The following SNTG1 variants were observed in gnomAD, a reference collection of about 807,000 sequenced individuals.
SNTG1 encodes gamma-1-syntrophin.
In SNTG1, 39 loss-of-function variants were observed where a neutral mutation model predicts 74.7. The observed-to-expected ratio is 0.52, with a 90% CI of 0.40 to 0.68. SNTG1 has a LOEUF of 0.68. Among genes scored for constraint, SNTG1 ranks in the 30% least tolerant of loss-of-function variants. The pLI, the probability that SNTG1 is intolerant of heterozygous loss-of-function variation, is 0.00. For missense variants in SNTG1, 685 were observed against 609.5 expected (o/e 1.12, Z -1.30); for synonymous variants, 254 against 217.1 (o/e 1.17, Z -1.49).
In SNTG1 at chr8:50,375,950, A is replaced by G. The variant is rs117104323; in HGVS notation, c.-27-18262A>G. On this transcript the variant is annotated intron_variant, in intron 2 of 18. Transcript: ENST00000642720. ...AAAAGGAAAAGGACTTTGAATCTCT[A>G]TAGATGGCAATTCAGGGGAAAGGCA... is the stretch of plus-strand genomic sequence containing the variant. Among the ~76,000 whole-genome samples, 772 of 152,306 alleles carry G rather than the reference A, an allele frequency of 5.1e-3. 11 individuals carry two copies. The highest frequency in any genetic ancestry group is 0.049 in the South Asian group (237 of 4,828).
intron 2 of SNTG1, among the ~76,000 whole-genome samples, chr8:50,342,609 T>C (rs555594440): frequency 6.6e-6 from 1 of 152,336 alleles, no homozygotes; most frequent in South Asian, 2.1e-4. Context: ...TCAATCATGT[T>C]ACATTCTAGG....
intron 1 of SNTG1, among the ~76,000 whole-genome samples, chr8:50,102,327 T>G (rs2080168160): frequency 6.6e-6 from 1 of 152,078 alleles, no homozygotes; most frequent in Admixed American, 6.6e-5. Flanking sequence ...GAGCATTTTT[T>G]CATGTGTTTT....
At position 50,794,503 on chromosome 8, in the gene SNTG1, C is replaced by T. The variant is rs986080832; in HGVS notation, c.*1674C>T. The T allele has an allele frequency of 2.6e-5, 4 of 151,734 alleles. No homozygotes were observed. The highest frequency in any genetic ancestry group is 4.4e-5 in the Non-Finnish European group (3 of 67,900). 9.4% of individuals were successfully genotyped at this position (151,734 alleles called of 1,614,324 possible). A position where few individuals can be genotyped will look rare whatever the true frequency, so the allele number is the denominator to read the frequency against. ...CAGTTTCAGTGTAATGTATTTTGAC[C>T]GTAAAACTAAGTACACATTTGTAAT... On this transcript the variant is annotated 3_prime_UTR_variant, in exon 19 of 19. Coordinates refer to ENST00000642720, the MANE Select transcript of SNTG1 (RefSeq NM_018967.5).
intron 1 of SNTG1, among the ~76,000 whole-genome samples, chr8:50,111,209 G>A (rs1300724212): frequency 6.6e-6 from 1 of 152,178 alleles, no homozygotes; most frequent in African/African-American, 2.4e-5. Flanking sequence ...GTCACCTACT[G>A]TACTTTCCTG....
intron 1 of SNTG1, among the ~76,000 whole-genome samples, chr8:49,998,425 A>C (rs1347142651): frequency 1.3e-5 from 2 of 152,176 alleles, no homozygotes; most frequent in African/African-American, 4.8e-5. Flanking sequence ...TTTACTTTAT[A>C]AACTTAATTT....
intron 1 of SNTG1, among the ~76,000 whole-genome samples, chr8:49,944,550 G>A (rs1197791903): frequency 7.6e-6 from 1 of 131,692 alleles, no homozygotes; most frequent in Non-Finnish European, 1.6e-5. Context: ...GACACAGGAA[G>A]GGGAACATCA....
chr8:50,737,816 T>A (rs1425745484), intron 17 of SNTG1, among the ~76,000 whole-genome samples: 3 of 152,148 alleles, frequency 2.0e-5, no homozygotes, highest in Non-Finnish European at 4.4e-5. Context: ...AATCACATGA[T>A]TATCTCAGTA....
At chr8:50,203,393 A>G (rs1419113671) in intron 2 of SNTG1, among the ~76,000 whole-genome samples, 2 of 152,132 alleles carry the variant, frequency 1.3e-5, no homozygotes, top group African/African-American at 4.8e-5. Flanking sequence ...TGCAGATTTC[A>G]GGTGACAGTT....
chr8:50,346,054 C>T (rs547243074), intron 2 of SNTG1, among the ~76,000 whole-genome samples: 30 of 152,262 alleles, frequency 2.0e-4, no homozygotes, highest in African/African-American at 6.5e-4. Flanking sequence ...GGCAGGATGA[C>T]GGGCCATAAT....
chr8:50,180,901 C>T (rs2083182887), intron 2 of SNTG1, among the ~76,000 whole-genome samples: 1 of 151,948 alleles, frequency 6.6e-6, no homozygotes, highest in African/African-American at 2.4e-5. Context: ...GCTGGGCTAA[C>T]AGATGCACGC....
chr8:50,685,382 C>G (rs926074815), intron 15 of SNTG1, among the ~76,000 whole-genome samples: 2 of 151,990 alleles, frequency 1.3e-5, no homozygotes, highest in Admixed American at 1.3e-4. Flanking sequence ...TATATAAGCC[C>G]CTTTGCCTCC....
intron 8 of SNTG1, among the ~76,000 whole-genome samples, chr8:50,495,455 G>A (rs1298097627): frequency 6.9e-6 from 1 of 145,934 alleles, no homozygotes; most frequent in East Asian, 2.0e-4. Context: ...ACTCAATCAT[G>A]TCAAATTCTT....
chr8:50,777,357 T>C (rs996475280), intron 18 of SNTG1, among the ~76,000 whole-genome samples: 7 of 150,330 alleles, frequency 4.7e-5, no homozygotes, highest in Non-Finnish European at 1.5e-5. Flanking sequence ...AATTCTTTTA[T>C]CCAGTTCACT....
At chr8:50,500,612 C>T (rs1455641110) in intron 8 of SNTG1, among the ~76,000 whole-genome samples, 1 of 152,004 alleles carries the variant, frequency 6.6e-6, no homozygotes, top group African/African-American at 2.4e-5. Flanking sequence ...TTACTATATC[C>T]TGGTCATTTT....
chr8:50,181,800 CT>C lies in SNTG1; in HGVS notation c.-28+9168del, dbSNP rs1410097067. On this transcript the variant is annotated intron_variant, in intron 2 of 18. Coordinates refer to ENST00000642720, the MANE Select transcript of SNTG1 (RefSeq NM_018967.5). ...TTGAAATGTGATATTATCTTTTATT[CT>C]TTAAAAAGTTCAATTTGGGCTTTGC... Among the ~76,000 whole-genome samples the C allele has an allele frequency of 2.6e-5, 4 of 152,026 alleles. No homozygotes were observed. In the East Asian group the frequency reaches 5.8e-4, roughly 22 times the overall value.
chr8:50,786,990 G>T (rs1430443837), intron 18 of SNTG1, among the ~76,000 whole-genome samples: 1 of 151,858 alleles, frequency 6.6e-6, no homozygotes, highest in East Asian at 1.9e-4. Flanking sequence ...AGACAAATTG[G>T]ACTTTTTCAA....
At chr8:50,265,024 T>C (rs1415116473) in intron 2 of SNTG1, among the ~76,000 whole-genome samples, 4 of 152,142 alleles carry the variant, frequency 2.6e-5, no homozygotes, top group Non-Finnish European at 4.4e-5. Flanking sequence ...TCAGGTCAAA[T>C]AATGTTACTG....
chr8:50,481,999 A>G (rs919867608), intron 8 of SNTG1, among the ~76,000 whole-genome samples: 2 of 152,204 alleles, frequency 1.3e-5, no homozygotes, highest in Non-Finnish European at 2.9e-5. Context: ...ATATTTATTC[A>G]GTCCCCGGTT....
intron 4 of SNTG1, among the ~76,000 whole-genome samples, chr8:50,437,612 T>G (rs1323664565): frequency 3.3e-5 from 5 of 152,128 alleles, no homozygotes; most frequent in Admixed American, 2.0e-4. Flanking sequence ...AAAAGGTATT[T>G]GTAGAGATAT....
Sources: allele counts gnomAD v4.1 joint callset (sites outside exome capture counted in the v4.1 genomes callset), GRCh38; gene constraint gnomAD v4.1.1; transcripts MANE v1.5; gene names NCBI Gene and HGNC (gene_info 2026-07-23, HGNC 2026-07-21).